The following KIAA1958 variants were observed in gnomAD, a reference collection of about 807,000 sequenced individuals.
KIAA1958 encodes the protein KIAA1958.
Under a neutral mutation model 47.2 loss-of-function variants are expected in KIAA1958, and 14 were observed. That is an observed-to-expected ratio of 0.30 (90% confidence interval 0.20 to 0.46). The LOEUF (loss-of-function observed/expected upper bound fraction) is 0.46, where lower values mean the gene tolerates loss of function less well. Among genes scored for constraint, KIAA1958 ranks in the 20% least tolerant of loss-of-function variants. The pLI is 1.00. For missense variants in KIAA1958, 803 were observed against 909.2 expected (o/e 0.88, Z 1.50); for synonymous variants, 354 against 353.3 (o/e 1.00, Z -0.02).
At chr9:112,500,362 A>G (rs528878897) in intron 1 of KIAA1958, among the ~76,000 whole-genome samples, 10 of 152,292 alleles carry the variant, frequency 6.6e-5, no homozygotes, top group Admixed American at 6.5e-5. Context: ...TGGCCTCCCA[A>G]AGTGCTGGGA....
chr9:112,594,525 A>G (rs1474913451), intron 2 of KIAA1958, among the ~76,000 whole-genome samples: 1 of 152,202 alleles, frequency 6.6e-6, no homozygotes, highest in Non-Finnish European at 1.5e-5. Flanking sequence ...TAATGTTTCA[A>G]GATATACCTG....
chr9:112,537,508 G>T (rs982384500), intron 1 of KIAA1958, among the ~76,000 whole-genome samples: 13 of 152,186 alleles, frequency 8.5e-5, no homozygotes, highest in Non-Finnish European at 1.8e-4. Context: ...TAGAAAATAT[G>T]CTCTCAAAAG....
At chr9:112,654,053 C>T (rs1372988651) in intron 3 of KIAA1958, among the ~76,000 whole-genome samples, 2 of 152,096 alleles carry the variant, frequency 1.3e-5, no homozygotes, top group South Asian at 2.1e-4. Context: ...TCTACTTGAT[C>T]GGAGAAGCAG....
intron 1 of KIAA1958, among the ~76,000 whole-genome samples, chr9:112,515,894 T>TAAAAAA (rs58492221): frequency 1.1e-4 from 11 of 97,104 alleles, no homozygotes; most frequent in East Asian, 2.9e-4. Flanking sequence ...AAAAATAAAT[T>TAAAAAA]AAAAAAAAAA....
Position 112,660,310 on chromosome 9 carries a change from A to G in KIAA1958, c.*241A>G. The G allele has an allele frequency of 1.8e-6, 1 of 549,502 alleles. No individual in the cohort carries two copies. The highest frequency in any genetic ancestry group is 2.4e-5 in the South Asian group (1 of 41,260). 34.0% of individuals were successfully genotyped at this position (549,502 alleles called of 1,614,324 possible). A position where few individuals can be genotyped will look rare whatever the true frequency, so the allele number is the denominator to read the frequency against. The stretch of plus-strand genomic sequence containing the variant: ...TCAACTTCGTTAGCTTTTAGAATCT[A>G]ACACAATGTATAATTGTTACATACA... On this transcript the variant is annotated 3_prime_UTR_variant, in exon 4 of 4. Coordinates refer to ENST00000337530, the MANE Select transcript of KIAA1958 (RefSeq NM_133465.4).
At chr9:112,569,474 A>G (rs550694454) in intron 1 of KIAA1958, among the ~76,000 whole-genome samples, 15 of 152,344 alleles carry the variant, frequency 9.8e-5, no homozygotes, top group African/African-American at 3.1e-4. Flanking sequence ...AAGGAATGCC[A>G]GTGCAGGCAA....
rs1205956166 is a variant in KIAA1958 at position 112,668,339 on chromosome 9, A to G, written c.*8270A>G. Reference sequence around the variant, plus strand: ...ACAAAAAACTTGTTTTAGAATACAAATGCAAGAAAAGTTCAATTTCAACAG... The same window carrying G: ...ACAAAAAACTTGTTTTAGAATACAAGTGCAAGAAAAGTTCAATTTCAACAG... On this transcript the variant is annotated 3_prime_UTR_variant, in exon 4 of 4. Coordinates refer to ENST00000337530, the MANE Select transcript of KIAA1958 (RefSeq NM_133465.4). 6.6e-6 allele frequency: 1 copy of G among 152,258 alleles called. No homozygotes were observed. The highest frequency in any genetic ancestry group is 1.5e-5 in the Non-Finnish European group (1 of 68,056). The allele number at this position is 152,258 out of a possible 1,614,324, so 9.4% of individuals were successfully genotyped here. A position where few individuals can be genotyped will look rare whatever the true frequency, so the allele number is the denominator to read the frequency against.
At chr9:112,550,427 G>A (rs2132837367) in intron 1 of KIAA1958, among the ~76,000 whole-genome samples, 1 of 152,180 alleles carries the variant, frequency 6.6e-6, no homozygotes, top group South Asian at 2.1e-4. Flanking sequence ...CTTGAAGTAG[G>A]GATACAAATT....
chr9:112,559,960 G>A (rs1045380933), intron 1 of KIAA1958, among the ~76,000 whole-genome samples: 7 of 151,950 alleles, frequency 4.6e-5, no homozygotes, highest in Non-Finnish European at 1.5e-5. Flanking sequence ...TTCTGATAGT[G>A]TATACTAAAA....
At chr9:112,653,613 G>C (rs1837097373) in intron 3 of KIAA1958, among the ~76,000 whole-genome samples, 1 of 152,144 alleles carries the variant, frequency 6.6e-6, no homozygotes, top group African/African-American at 2.4e-5. Context: ...GAACCTACAA[G>C]ACAGAAGCAG....
Position 112,570,880 on chromosome 9 carries a change from A to T in KIAA1958, c.-24-3177A>T, listed in dbSNP as rs560278412. Among the ~76,000 whole-genome samples the T allele has an allele frequency of 1.2e-4, 18 of 152,326 alleles. No homozygotes were observed. In the East Asian group the frequency reaches 3.1e-3, roughly 26 times the overall value. ...AAATCCAAAGGCCTCAGAACCAGGGAAGCTAATGATGTGACTCTCAGCCTG... is the reference window on the plus strand; with the variant it reads ...AAATCCAAAGGCCTCAGAACCAGGGTAGCTAATGATGTGACTCTCAGCCTG... On this transcript the variant is annotated intron_variant, in intron 1 of 3. Coordinates refer to ENST00000337530, the MANE Select transcript of KIAA1958 (RefSeq NM_133465.4).
chr9:112,630,622 G>A (rs1332736726), intron 2 of KIAA1958, among the ~76,000 whole-genome samples: 1 of 152,254 alleles, frequency 6.6e-6, no homozygotes, highest in Non-Finnish European at 1.5e-5. Flanking sequence ...ATATTACAGT[G>A]TTCTTTGAGC....
At chr9:112,531,421 C>T (rs7042367) in intron 1 of KIAA1958, among the ~76,000 whole-genome samples, 145,371 of 152,288 alleles carry the variant, frequency 0.95, 69,455 homozygotes, top group African/African-American at 0.99. Flanking sequence ...AAAAGGAAAC[C>T]AACTGTGATC....
intron 1 of KIAA1958, among the ~76,000 whole-genome samples, chr9:112,547,449 G>A (rs1835059972): frequency 6.6e-6 from 1 of 151,472 alleles, no homozygotes; most frequent in Admixed American, 6.6e-5. Flanking sequence ...CTGGGACAAG[G>A]GCATTCCAAA....
chr9:112,492,602 T>G (rs1833987960), intron 1 of KIAA1958, among the ~76,000 whole-genome samples: 1 of 152,218 alleles, frequency 6.6e-6, no homozygotes, highest in Admixed American at 6.5e-5. Flanking sequence ...TTGGCAATTT[T>G]TCACTTGAAT....
intron 1 of KIAA1958, among the ~76,000 whole-genome samples, chr9:112,546,997 G>GGTGGTGT (rs1316704724): frequency 4.6e-5 from 6 of 129,672 alleles, no homozygotes; most frequent in Non-Finnish European, 9.6e-5. Context: ...GCTGGGGTGT[G>GGTGGTGT]GTGGTGTGAT....
chr9:112,608,185 C>T (rs1167458746), intron 2 of KIAA1958, among the ~76,000 whole-genome samples: 1 of 151,716 alleles, frequency 6.6e-6, no homozygotes, highest in African/African-American at 2.4e-5. Context: ...TATTTTAAAC[C>T]ATGACAATGA....
intron 2 of KIAA1958, chr9:112,582,438 G>T (rs1010441673): frequency 6.5e-6 from 1 of 153,270 alleles, no homozygotes. Context: ...GGGACCAAGA[G>T]AAAGCAGAGA....
chr9:112,508,879 T>A (rs1834276384), intron 1 of KIAA1958, among the ~76,000 whole-genome samples: 1 of 152,200 alleles, frequency 6.6e-6, no homozygotes, highest in Non-Finnish European at 1.5e-5. Flanking sequence ...CAATTTAAAA[T>A]TTTTTCACTT....
Sources: gnomAD v4.1 joint callset for allele counts (sites outside exome capture counted in the v4.1 genomes callset) on GRCh38, gnomAD v4.1.1 for gene constraint, MANE v1.5 for transcripts, NCBI Gene and HGNC (gene_info 2026-07-23, HGNC 2026-07-21) for gene names.